FBXL17: variants seen among roughly 807,000 people sequenced by gnomAD.
The protein encoded by FBXL17 is F-box and leucine rich repeat protein 17, also known as F-box/LRR-repeat protein 17.
In FBXL17, 22 loss-of-function variants were observed where a neutral mutation model predicts 66.2. The observed-to-expected ratio is 0.33, with a 90% CI of 0.24 to 0.47. FBXL17 has a LOEUF of 0.47. Ranked by LOEUF, FBXL17 falls within the 20% of genes least tolerant of loss-of-function variation. The pLI is 1.00. For missense variants in FBXL17, 878 were observed against 948.2 expected (o/e 0.93, Z 0.97); for synonymous variants, 474 against 400.5 (o/e 1.18, Z -2.19).
intron 8 of FBXL17, among the ~76,000 whole-genome samples, chr5:107,876,547 T>C (rs915000541): frequency 2.0e-5 from 3 of 152,158 alleles, no homozygotes; most frequent in African/African-American, 7.2e-5. Context: ...ACGACACTTT[T>C]ATCACCGAGG....
chr5:108,077,483 T>C (rs1187170729), intron 6 of FBXL17, among the ~76,000 whole-genome samples: 2 of 151,846 alleles, frequency 1.3e-5, no homozygotes, highest in Non-Finnish European at 2.9e-5. Context: ...AGGTAACAAA[T>C]GAAACCCCAT....
At chr5:108,310,195 G>A (rs140432808) in intron 4 of FBXL17, among the ~76,000 whole-genome samples, 1,676 of 152,148 alleles carry the variant, frequency 0.011, 46 homozygotes, top group African/African-American at 0.038. Context: ...ACAATTTGGA[G>A]CTCTCACAAA....
Position 107,885,762 on chromosome 5 carries a change from G to A in FBXL17, c.1823-4583C>T, listed in dbSNP as rs566611931. ...CATCTGTGCACAAGTAACAGGAGAA[G>A]CATAAACCAGAAACCACAAAATACT... On this transcript the variant is annotated intron_variant, in intron 7 of 8. Transcript: ENST00000542267. Among the ~76,000 whole-genome samples the A allele has an allele frequency of 3.3e-5, 5 of 152,188 alleles. No homozygotes were observed. The East Asian group carries it at 7.7e-4, about 24-fold the overall frequency.
chr5:108,309,059 T>C (rs1758990969), intron 4 of FBXL17, among the ~76,000 whole-genome samples: 1 of 152,036 alleles, frequency 6.6e-6, no homozygotes, highest in Non-Finnish European at 1.5e-5. Flanking sequence ...ATTACAGGGA[T>C]ACTTATAATA....
intron 6 of FBXL17, among the ~76,000 whole-genome samples, chr5:108,035,469 C>A (rs987748098): frequency 6.6e-6 from 1 of 152,070 alleles, no homozygotes; most frequent in Non-Finnish European, 1.5e-5. Context: ...CAGGTTCAAG[C>A]AATTCTCCTG....
At chr5:108,007,105 T>A (rs1013915815) in intron 7 of FBXL17, among the ~76,000 whole-genome samples, 5 of 152,218 alleles carry the variant, frequency 3.3e-5, no homozygotes, top group Non-Finnish European at 7.3e-5. Context: ...TAATTTAAAA[T>A]TTTAAGGTTT....
rs968611250 is a variant in FBXL17 at position 107,860,064 on chromosome 5, T to C, written c.*1656A>G. 2.0e-5 allele frequency: 3 copies of C among 152,136 alleles called. No homozygotes were observed. The highest frequency in any genetic ancestry group is 4.8e-5 in the African/African-American group (2 of 41,432). 9.4% of individuals were successfully genotyped at this position (152,136 alleles called of 1,614,324 possible). A position where few individuals can be genotyped will look rare whatever the true frequency, so the allele number is the denominator to read the frequency against. ...TTACTGACTAGATTTTCCTAACCGA[T>C]TGGGATTAAAACAAAAATGCCACAT... is the stretch of plus-strand genomic sequence containing the variant. On this transcript the variant is annotated 3_prime_UTR_variant, in exon 9 of 9. Coordinates refer to ENST00000542267, the MANE Select transcript of FBXL17 (RefSeq NM_001163315.3).
Position 108,381,311 on chromosome 5 carries a change from G to A in FBXL17, c.381C>T (p.Ala127=), listed in dbSNP as rs1299028734. Residue 127 remains alanine (A), a synonymous_variant, in exon 1 of 9, where the codon GCC becomes GCT. Transcript: ENST00000542267. ...ACGAAGCCGAGGCGGCAGCGGCGGCGGCGGCGGCGGCCGAGGATAGCAGGA... is the reference window on the plus strand; with the variant it reads ...ACGAAGCCGAGGCGGCAGCGGCGGCAGCGGCGGCGGCCGAGGATAGCAGGA... ...RRFLLSSAAA[A]AAAAASASSP... is the part of the protein sequence containing the mutation. 2.1e-6 allele frequency: 3 copies of A among 1,396,000 alleles called. No individual in the cohort carries two copies. Among genetic ancestry groups the A allele is most frequent in the Admixed American group, 3.1e-5 (1 of 31,866 alleles). The allele number at this position is 1,396,000 out of a possible 1,614,324, so 86.5% of individuals were successfully genotyped here. A position where few individuals can be genotyped will look rare whatever the true frequency, so the allele number is the denominator to read the frequency against.
chr5:108,038,271 C>T (rs1386065743), intron 6 of FBXL17, among the ~76,000 whole-genome samples: 2 of 146,874 alleles, frequency 1.4e-5, no homozygotes, highest in Non-Finnish European at 3.1e-5. Context: ...ATTATTATTA[C>T]ATTTGTTAGT....
At chr5:107,963,594 C>T (rs993554603) in intron 7 of FBXL17, among the ~76,000 whole-genome samples, 4 of 151,938 alleles carry the variant, frequency 2.6e-5, no homozygotes, top group Non-Finnish European at 5.9e-5. Context: ...TCCTTTAAAA[C>T]GAGGATAGCA....
chr5:108,298,052 A>C (rs1758420307), intron 4 of FBXL17: 3 of 984,034 alleles, frequency 3.0e-6, no homozygotes, highest in Non-Finnish European at 3.6e-6. Flanking sequence ...ATGATGATAA[A>C]GCAATTACTC....
intron 1 of FBXL17, among the ~76,000 whole-genome samples, chr5:108,373,620 C>T (rs1749212347): frequency 1.3e-5 from 2 of 151,974 alleles, no homozygotes; most frequent in Admixed American, 6.6e-5. Context: ...CCAGTTAAGA[C>T]ACATAAGGCC....
At chr5:108,304,507 A>G (rs1271489606) in intron 4 of FBXL17, among the ~76,000 whole-genome samples, 2 of 152,020 alleles carry the variant, frequency 1.3e-5, no homozygotes, top group African/African-American at 2.4e-5. Flanking sequence ...TGAAACTAAG[A>G]TTAGTAAAAA....
intron 6 of FBXL17, among the ~76,000 whole-genome samples, chr5:108,073,790 C>A (rs955454994): frequency 6.6e-6 from 1 of 152,106 alleles, no homozygotes; most frequent in African/African-American, 2.4e-5. Context: ...CTCTCTTGCT[C>A]CCTCTCTCAC....
At chr5:108,028,490 C>A (rs540577983) in intron 6 of FBXL17, among the ~76,000 whole-genome samples, 1 of 152,124 alleles carries the variant, frequency 6.6e-6, no homozygotes, top group Non-Finnish European at 1.5e-5. Context: ...TAAAAGCACT[C>A]AGAAGATGAG....
At chr5:108,069,050 G>C (rs1748228665) in intron 6 of FBXL17, among the ~76,000 whole-genome samples, 1 of 152,094 alleles carries the variant, frequency 6.6e-6, no homozygotes, top group African/African-American at 2.4e-5. Context: ...TTGAAGTTGT[G>C]AGTGTAACAC....
intron 6 of FBXL17, among the ~76,000 whole-genome samples, chr5:108,148,445 G>A (rs182335653): frequency 2.6e-5 from 4 of 152,192 alleles, no homozygotes; most frequent in East Asian, 1.9e-4. Flanking sequence ...TCCCTTTAGC[G>A]GAGCCCCAAA....
At chr5:108,023,192 A>C (rs1754664397) in intron 6 of FBXL17, among the ~76,000 whole-genome samples, 1 of 152,190 alleles carries the variant, frequency 6.6e-6, no homozygotes, top group African/African-American at 2.4e-5. Context: ...CAGTGTGCTA[A>C]AAGTCATGTA....
chr5:108,130,596 T>C (rs930436999), intron 6 of FBXL17, among the ~76,000 whole-genome samples: 1 of 152,088 alleles, frequency 6.6e-6, no homozygotes, highest in Non-Finnish European at 1.5e-5. Flanking sequence ...TTCTGTATGC[T>C]GAAAATATCT....
Sources: allele counts gnomAD v4.1 joint callset (sites outside exome capture counted in the v4.1 genomes callset), GRCh38; gene constraint gnomAD v4.1.1; transcripts MANE v1.5; gene names NCBI Gene and HGNC (gene_info 2026-07-23, HGNC 2026-07-21).